Variants in POR observed in about 807,000 individuals in gnomAD.
POR encodes the protein NADPH--cytochrome P450 reductase.
In POR, 56 loss-of-function variants were observed where a neutral mutation model predicts 84.0. The ratio of observed to expected loss-of-function variants is 0.67; its 90% CI spans 0.54 to 0.83. POR has a LOEUF of 0.83. POR is among the 40% of genes least tolerant of loss of function. The probability of loss-of-function intolerance (pLI) is 0.00; values close to 1 mark genes in which losing one functional copy is unlikely to be tolerated. For synonymous variants in POR, 414 were observed against 400.5 expected, an observed-to-expected ratio of 1.03 and a Z score of -0.40; for missense variants, 938 against 944.3, an observed-to-expected ratio of 0.99 and a Z score of 0.09.
intron 1 of POR, among the ~76,000 whole-genome samples, chr7:75,930,235 C>T (rs1279927239): frequency 6.6e-6 from 1 of 152,162 alleles, no homozygotes; most frequent in African/African-American, 2.4e-5. Context: ...AAACACAGTG[C>T]TGTGTAGACT....
rs187755131 is a variant in POR, at chr7:75,939,229, G to A, written c.-4-14760G>A. Among the ~76,000 whole-genome samples the A allele has an allele frequency of 3.9e-4, 59 of 152,322 alleles. No individual in the cohort carries two copies. In the East Asian group the frequency reaches 5.8e-3, roughly 15 times the overall value. ...ACAGAAGCATGTCCTTCGACATGAC[G>A]TTTTTGTACCTGAACATTGTCTAGA... On this transcript the variant is annotated intron_variant, in intron 1 of 15. Transcript: ENST00000461988.
At chr7:75,919,907 C>T (rs1209355507) in intron 1 of POR, among the ~76,000 whole-genome samples, 1 of 152,050 alleles carries the variant, frequency 6.6e-6, no homozygotes, top group Non-Finnish European at 1.5e-5. Flanking sequence ...GTGTGGCATT[C>T]GGATCTCCTT....
At chr7:75,926,775 G>A (rs1471552898) in intron 1 of POR, among the ~76,000 whole-genome samples, 1 of 152,114 alleles carries the variant, frequency 6.6e-6, no homozygotes, top group African/African-American at 2.4e-5. Context: ...TCCAGCCTGG[G>A]CAACAAGAGC....
intron 2 of POR, among the ~76,000 whole-genome samples, chr7:75,955,812 G>A (rs2116432240): frequency 6.6e-6 from 1 of 152,314 alleles, no homozygotes; most frequent in South Asian, 2.1e-4. Context: ...GCAGGAACAA[G>A]CCACACAGAA....
chr7:75,979,788 G>C lies in POR; in HGVS notation c.366+209G>C, dbSNP rs41299481. 3.3e-3 allele frequency: 2,155 copies of C among 648,556 alleles called. 39 individuals are homozygous for C. The African/African-American group carries it at 0.037, about 11-fold the overall frequency. The allele number at this position is 648,556 out of a possible 1,614,324, so 40.2% of individuals were successfully genotyped here. A position where few individuals can be genotyped will look rare whatever the true frequency, so the allele number is the denominator to read the frequency against. On this transcript the variant is annotated intron_variant, in intron 4 of 15. Coordinates refer to ENST00000461988, the MANE Select transcript of POR (RefSeq NM_000941.3). Reference sequence around the variant, plus strand: ...TTCCTGCAGTTGCAGCCACGTGCCAGGCATCGTTTCCCCAGGACTGGCCCT... The same window carrying C: ...TTCCTGCAGTTGCAGCCACGTGCCACGCATCGTTTCCCCAGGACTGGCCCT...
chr7:75,940,231 G>A (rs1436522418), intron 1 of POR, among the ~76,000 whole-genome samples: 3 of 151,786 alleles, frequency 2.0e-5, no homozygotes, highest in Admixed American at 1.3e-4. Context: ...TTACAGGCAC[G>A]CACCACCACG....
At chr7:75,952,516 C>T (rs1243484130) in intron 1 of POR, among the ~76,000 whole-genome samples, 4 of 152,084 alleles carry the variant, frequency 2.6e-5, no homozygotes, top group Non-Finnish European at 5.9e-5. Context: ...ACGCTCCTCA[C>T]TTCCCAGATG....
intron 2 of POR, among the ~76,000 whole-genome samples, chr7:75,969,939 G>A (rs980186477): frequency 2.0e-5 from 3 of 152,204 alleles, no homozygotes; most frequent in Non-Finnish European, 4.4e-5. Flanking sequence ...GTGCCACAGC[G>A]AAGACGGCGA....
Position 75,923,630 on chromosome 7 carries a change from A to G in POR, c.-5+8451A>G, listed in dbSNP as rs540110359. On this transcript the variant is annotated intron_variant, in intron 1 of 15. Transcript: ENST00000461988. The stretch of plus-strand genomic sequence containing the variant: ...TGGCCGGGCCCGGTGGCTCACGCCT[A>G]TAATCCTAGCACTTTGGGAGGCTGA... Among the ~76,000 whole-genome samples, 8 of 152,240 alleles carry G rather than the reference A, an allele frequency of 5.3e-5. No homozygotes were observed. In the South Asian group the frequency reaches 1.4e-3, roughly 28 times the overall value.
Position 75,935,882 on chromosome 7 carries a change from A to G in POR, c.-4-18107A>G, listed in dbSNP as rs145309590. 2.8e-3 allele frequency among the ~76,000 whole-genome samples: 430 copies of G among 151,640 alleles called. 1 individual carries two copies. Among genetic ancestry groups the G allele is most frequent in the African/African-American group, 8.5e-3 (351 of 41,340 alleles). ...CATGATGGGGAGCCACTCCCCCAATAGCGCATTCTATGTTCAGACTCCTTT... is the reference window on the plus strand; with the variant it reads ...CATGATGGGGAGCCACTCCCCCAATGGCGCATTCTATGTTCAGACTCCTTT... On this transcript the variant is annotated intron_variant, in intron 1 of 15. Transcript: ENST00000461988.
chr7:75,977,924 A>G (rs1401240997), intron 3 of POR, among the ~76,000 whole-genome samples: 1 of 152,230 alleles, frequency 6.6e-6, no homozygotes, highest in Non-Finnish European at 1.5e-5. Flanking sequence ...AGCACGTTCA[A>G]TTGGCTGAAC....
Position 75,979,527 on chromosome 7 carries a change from C to T in POR, c.314C>T (p.Ala105Val), listed in dbSNP as rs782706475. 6.2e-7 allele frequency: 1 copy of T among 1,613,558 alleles called. No individual in the cohort carries two copies. The highest frequency in any genetic ancestry group is 2.2e-5 in the East Asian group (1 of 44,874). Residue 105 changes from alanine to valine, a missense_variant, in exon 4 of 16, where the codon GCC becomes GTC. Ala to Val is a moderately conservative substitution (Grantham distance 64, BLOSUM62 0). Coordinates refer to ENST00000461988, the MANE Select transcript of POR (RefSeq NM_000941.3). The stretch of plus-strand genomic sequence containing the variant: ...TTTGCCAACCGCCTGTCCAAGGACG[C>T]CCACCGCTACGGGATGCGAGGCATG...
intron 3 of POR, among the ~76,000 whole-genome samples, chr7:75,977,700 C>A (rs1323471230): frequency 1.3e-5 from 2 of 152,196 alleles, no homozygotes; most frequent in Non-Finnish European, 2.9e-5. Context: ...ATTGCTTGAA[C>A]CCAGGAGGCA....
At chr7:75,977,171 A>G (rs2116566156) in intron 3 of POR, among the ~76,000 whole-genome samples, 1 of 152,154 alleles carries the variant, frequency 6.6e-6, no homozygotes. Flanking sequence ...TTTATTTTGT[A>G]TGAGGTGGGA....
rs41297045 is a variant in POR, at chr7:75,971,585, G to A, written c.189-828G>A. Reference sequence around the variant, plus strand: ...GTCACCCCAGCCTGATCCTGAGGCTGGCGGGCACCAGGCTGCCCTCTGGAG... The same window carrying A: ...GTCACCCCAGCCTGATCCTGAGGCTAGCGGGCACCAGGCTGCCCTCTGGAG... On this transcript the variant is annotated intron_variant, in intron 2 of 15. Transcript: ENST00000461988. 6.3e-3 allele frequency among the ~76,000 whole-genome samples: 964 copies of A among 152,246 alleles called. 9 individuals carry two copies. Among genetic ancestry groups the A allele is most frequent in the Middle Eastern group, 0.017 (5 of 294 alleles).
At chr7:75,973,298 A>G (rs1788522241) in intron 3 of POR, among the ~76,000 whole-genome samples, 1 of 152,054 alleles carries the variant, frequency 6.6e-6, no homozygotes, top group Admixed American at 6.6e-5. Flanking sequence ...AGAGACTCTT[A>G]TTTTTAATTT....
At position 75,975,833 on chromosome 7, in the gene POR, G is replaced by A. The variant is rs201127255; in HGVS notation, c.237+3372G>A. On this transcript the variant is annotated intron_variant, in intron 3 of 15. Coordinates refer to ENST00000461988, the MANE Select transcript of POR (RefSeq NM_000941.3). ...GTTCAGATTTTTTTTTTTTTTTTTG[G>A]TAGAGACTGGGTCTCACTCTGTTGC... 1.5e-3 allele frequency among the ~76,000 whole-genome samples: 5 copies of A among 3,366 alleles called. No individual in the cohort carries two copies. The East Asian group carries it at 0.023, about 15-fold the overall frequency. The allele number at this position is 3,366 out of a possible 152,430, so 2.2% of individuals were successfully genotyped here.
intron 2 of POR, among the ~76,000 whole-genome samples, chr7:75,957,803 C>T (rs1787751543): frequency 6.6e-6 from 1 of 152,138 alleles, no homozygotes; most frequent in Admixed American, 6.5e-5. Context: ...TGTCTCTTCC[C>T]TCATTAAATC....
intron 1 of POR, among the ~76,000 whole-genome samples, chr7:75,941,559 G>A (rs1230339916): frequency 1.3e-5 from 2 of 152,124 alleles, no homozygotes; most frequent in African/African-American, 2.4e-5. Context: ...TAGAGTAGGC[G>A]CTAATAACTT....
Sources: gnomAD v4.1 joint callset for allele counts (sites outside exome capture counted in the v4.1 genomes callset) on GRCh38, gnomAD v4.1.1 for gene constraint, MANE v1.5 for transcripts, NCBI Gene and HGNC (gene_info 2026-07-23, HGNC 2026-07-21) for gene names.